Variants in KAZN observed in about 807,000 individuals in gnomAD.
The protein encoded by KAZN is kazrin, periplakin interacting protein, also known as kazrin.
A neutral mutation model predicts 87.4 loss-of-function variants in KAZN; 40 were observed. The ratio of observed to expected loss-of-function variants is 0.46; its 90% confidence interval spans 0.36 to 0.60. KAZN has a LOEUF of 0.60. Ranked by LOEUF, KAZN falls within the 20% of genes least tolerant of loss-of-function variation. The pLI is 0.00. For synonymous variants in KAZN, 466 were observed against 458.3 expected (o/e 1.02, Z -0.22); for missense variants, 898 against 1,073.9 (o/e 0.84, Z 2.29).
At chr1:14,803,589 A>G (rs1028163368) in intron 1 of KAZN, among the ~76,000 whole-genome samples, 1 of 152,210 alleles carries the variant, frequency 6.6e-6, no homozygotes, top group African/African-American at 2.4e-5. Flanking sequence ...GCTGTCCTCC[A>G]TGAATGATGC....
chr1:14,689,551 A>G (rs1370889371), intron 1 of KAZN, among the ~76,000 whole-genome samples: 1 of 152,208 alleles, frequency 6.6e-6, no homozygotes, highest in East Asian at 1.9e-4. Flanking sequence ...GTGTAAGAGA[A>G]TTGGTCTGTT....
chr1:14,506,772 GAAAT>G (rs1670605637), intron 2 of KAZN, among the ~76,000 whole-genome samples: 1 of 152,120 alleles, frequency 6.6e-6, no homozygotes, highest in Admixed American at 6.5e-5. Context: ...AATAAGAAAA[GAAAT>G]AAAACTGTGT....
intron 1 of KAZN, among the ~76,000 whole-genome samples, chr1:14,688,166 C>T (rs1366315495): frequency 6.6e-6 from 1 of 152,242 alleles, no homozygotes; most frequent in Non-Finnish European, 1.5e-5. Context: ...CCTCTGGGCA[C>T]AACAGAGCTG....
At chr1:14,598,164 G>T (rs1409445586), upstream of KAZN, among the ~76,000 whole-genome samples, 1 of 152,178 alleles carries the variant, frequency 6.6e-6, no homozygotes, top group Admixed American at 6.5e-5. The surrounding 1 kb of genome is among the most constrained non-coding windows in gnomAD (Gnocchi z 4.2). Context: ...CCCTCCTGGG[G>T]TGGGCAGCGC....
intron 1 of KAZN, among the ~76,000 whole-genome samples, chr1:14,053,145 T>A (rs1642411840): frequency 6.6e-6 from 1 of 152,130 alleles, no homozygotes; most frequent in East Asian, 1.9e-4. Flanking sequence ...CAGGGCTCTG[T>A]TTTTCTAGAG....
intron 2 of KAZN, among the ~76,000 whole-genome samples, chr1:15,025,434 A>G (rs908522489): frequency 6.6e-6 from 1 of 152,204 alleles, no homozygotes; most frequent in Non-Finnish European, 1.5e-5. Context: ...GTTCTCAAAC[A>G]TGCCAGCCCT....
intron 2 of KAZN, among the ~76,000 whole-genome samples, chr1:14,513,723 C>T (rs987924166): frequency 2.6e-5 from 4 of 152,086 alleles, no homozygotes; most frequent in African/African-American, 9.7e-5. Flanking sequence ...TTCAACTTTA[C>T]ATCCTAAAAT....
chr1:14,595,680 C>CAAAAAAAAAAAAAAAAAAAAAAA (rs34080804), upstream of KAZN, among the ~76,000 whole-genome samples: 2 of 96,692 alleles, frequency 2.1e-5, no homozygotes, highest in African/African-American at 4.5e-5. Context: ...GACTGCGTCT[C>CAAAAAAAAAAAAAAAAAAAAAAA]AAAAAAAAAA....
intron 1 of KAZN, among the ~76,000 whole-genome samples, chr1:14,022,519 AAAAG>A (rs1640889065): frequency 1.4e-5 from 2 of 147,264 alleles, no homozygotes; most frequent in Admixed American, 6.8e-5. Flanking sequence ...AAAAAAGAAA[AAAAG>A]AAAAAAGAAA....
chr1:14,530,491 C>T (rs1672147932), intron 2 of KAZN, among the ~76,000 whole-genome samples: 1 of 152,090 alleles, frequency 6.6e-6, no homozygotes, highest in Admixed American at 6.5e-5. Context: ...GAGGTGGGGC[C>T]TGGTGGGAGG....
intron 1 of KAZN, among the ~76,000 whole-genome samples, chr1:13,963,660 G>C (rs370308386): frequency 6.6e-6 from 1 of 151,954 alleles, no homozygotes; most frequent in African/African-American, 2.4e-5. Context: ...ATGCATCAAA[G>C]CCTAGCTCAG....
At chr1:14,299,452 G>A (rs181251096) in intron 2 of KAZN, among the ~76,000 whole-genome samples, 28 of 151,652 alleles carry the variant, frequency 1.8e-4, no homozygotes, top group Admixed American at 1.1e-3. Flanking sequence ...GCAGTGAGCC[G>A]AGATCACACC....
chr1:14,396,634 G>A (rs185847295), intron 2 of KAZN, among the ~76,000 whole-genome samples: 3 of 152,262 alleles, frequency 2.0e-5, no homozygotes, highest in East Asian at 1.9e-4. Flanking sequence ...CTGTGTACTC[G>A]AGTTTCTGGA....
intron 1 of KAZN, among the ~76,000 whole-genome samples, chr1:14,774,468 AT>A (rs35723980): frequency 0.041 from 5,377 of 131,160 alleles, 198 homozygotes; most frequent in African/African-American, 0.13. Flanking sequence ...TCTTGAACAG[AT>A]TTTTTTTTTT....
At chr1:14,513,160 A>C (rs1671006789) in intron 2 of KAZN, among the ~76,000 whole-genome samples, 1 of 152,120 alleles carries the variant, frequency 6.6e-6, no homozygotes, top group Non-Finnish European at 1.5e-5. Context: ...CCTTAGAATC[A>C]TGTCCAATTT....
chr1:14,205,556 C>T (rs952771894), intron 2 of KAZN, among the ~76,000 whole-genome samples: 1 of 151,956 alleles, frequency 6.6e-6, no homozygotes, highest in East Asian at 1.9e-4. Context: ...TTCTGTATAG[C>T]CAGCATTGCG....
At chr1:14,909,865 C>G (rs1657049699) in intron 1 of KAZN, among the ~76,000 whole-genome samples, 1 of 152,070 alleles carries the variant, frequency 6.6e-6, no homozygotes, top group South Asian at 2.1e-4. Context: ...TCAGCGTGGG[C>G]AACATGGCGA....
At chr1:13,967,732 C>T (rs1641995349) in intron 1 of KAZN, among the ~76,000 whole-genome samples, 1 of 152,198 alleles carries the variant, frequency 6.6e-6, no homozygotes, top group Non-Finnish European at 1.5e-5. Flanking sequence ...GTGGCTCACC[C>T]AGCCCGCCAA....
intron 2 of KAZN, among the ~76,000 whole-genome samples, chr1:14,388,379 A>G (rs1256611197): frequency 3.9e-5 from 6 of 152,218 alleles, no homozygotes; most frequent in Non-Finnish European, 7.3e-5. Flanking sequence ...TGGAACCACA[A>G]AAGACCCTGA....
Sources: allele counts gnomAD v4.1 joint callset (sites outside exome capture counted in the v4.1 genomes callset), GRCh38; gene constraint gnomAD v4.1.1; non-coding constraint Gnocchi (gnomAD v3.1); transcripts MANE v1.5; gene names NCBI Gene and HGNC (gene_info 2026-07-23, HGNC 2026-07-21).